CNTNAP2: variants seen among roughly 807,000 people sequenced by gnomAD.
The protein encoded by CNTNAP2 is contactin associated protein 2, also known as contactin-associated protein-like 2.
A neutral mutation model predicts 155.2 loss-of-function variants in CNTNAP2; 98 were observed. The observed-to-expected ratio is 0.63, with a 90% CI of 0.54 to 0.75. The LOEUF (loss-of-function observed/expected upper bound fraction) is 0.75, where lower values mean the gene tolerates loss of function less well. CNTNAP2 is among the 30% of genes least tolerant of loss of function. The pLI is 0.00. For missense variants in CNTNAP2, 1,727 were observed against 1,688.1 expected, an observed-to-expected ratio of 1.02 and a Z score of -0.40; for synonymous variants, 651 against 631.2, an observed-to-expected ratio of 1.03 and a Z score of -0.47.
intron 1 of CNTNAP2, among the ~76,000 whole-genome samples, chr7:146,127,078 C>G (rs1329136249): frequency 6.6e-6 from 1 of 152,186 alleles, no homozygotes; most frequent in African/African-American, 2.4e-5. Flanking sequence ...TAGTCTCCTC[C>G]TAACCCAACA....
chr7:147,512,204 T>G (rs952864075), intron 11 of CNTNAP2, among the ~76,000 whole-genome samples: 2 of 152,202 alleles, frequency 1.3e-5, no homozygotes, highest in African/African-American at 2.4e-5. Flanking sequence ...CATACGTGCA[T>G]GCACTCATGT....
intron 11 of CNTNAP2, among the ~76,000 whole-genome samples, chr7:147,489,148 G>A (rs575696186): frequency 4.1e-4 from 63 of 152,316 alleles, no homozygotes; most frequent in African/African-American, 1.4e-3. Flanking sequence ...GAATTGAAGA[G>A]TATGCCTCCT....
intron 1 of CNTNAP2, among the ~76,000 whole-genome samples, chr7:146,286,681 C>T (rs2129085839): frequency 6.6e-6 from 1 of 152,268 alleles, no homozygotes; most frequent in South Asian, 2.1e-4. Context: ...CTTGTCTGAC[C>T]TCATCCGACC....
At chr7:147,324,186 C>T (rs2692142) in intron 9 of CNTNAP2, among the ~76,000 whole-genome samples, 74,642 of 151,922 alleles carry the variant, frequency 0.49, 19,501 homozygotes, top group East Asian at 0.73. Flanking sequence ...AACTAGATCA[C>T]AAGGTTCAGG....
At chr7:147,616,356 C>A (rs1482009698) in intron 12 of CNTNAP2, among the ~76,000 whole-genome samples, 1 of 152,164 alleles carries the variant, frequency 6.6e-6, no homozygotes, top group Non-Finnish European at 1.5e-5. Context: ...TCAAGTCACA[C>A]TACTGCTTAA....
intron 5 of CNTNAP2, among the ~76,000 whole-genome samples, chr7:147,109,344 G>A (rs1800828729): frequency 6.6e-6 from 1 of 152,156 alleles, no homozygotes; most frequent in African/African-American, 2.4e-5. Flanking sequence ...TAAAGAATGA[G>A]CCCTAGGATT....
chr7:146,813,694 CGAAATGTGAG>C (rs1382009198), intron 2 of CNTNAP2, among the ~76,000 whole-genome samples: 1 of 152,010 alleles, frequency 6.6e-6, no homozygotes, highest in Non-Finnish European at 1.5e-5. Context: ...GATTGTGTTT[CGAAATGTGAG>C]GACTTGAGAT....
intron 1 of CNTNAP2, among the ~76,000 whole-genome samples, chr7:146,331,120 C>T (rs1801178602): frequency 6.6e-6 from 1 of 151,666 alleles, no homozygotes; most frequent in Admixed American, 6.6e-5. Flanking sequence ...CTGGCTAACA[C>T]GGTGAAACCC....
intron 4 of CNTNAP2, among the ~76,000 whole-genome samples, chr7:147,095,165 A>G (rs1437542991): frequency 6.7e-6 from 1 of 148,640 alleles, no homozygotes; most frequent in African/African-American, 2.5e-5. Context: ...GACTATAGGC[A>G]TGCACCACCA....
intron 14 of CNTNAP2, among the ~76,000 whole-genome samples, chr7:147,936,384 C>A (rs1444856709): frequency 1.3e-5 from 2 of 151,048 alleles, no homozygotes; most frequent in South Asian, 4.2e-4. Flanking sequence ...TAGAAGTGGT[C>A]ACTTCAGTAT....
intron 1 of CNTNAP2, among the ~76,000 whole-genome samples, chr7:146,708,563 C>A: frequency 1.2e-5 from 1 of 81,732 alleles, no homozygotes; most frequent in African/African-American, 5.4e-5. Context: ...TCTCCGGGCT[C>A]TGTTTAAGAA....
At chr7:148,228,334 T>C (rs1185569831) in intron 19 of CNTNAP2, among the ~76,000 whole-genome samples, 1 of 152,186 alleles carries the variant, frequency 6.6e-6, no homozygotes, top group Non-Finnish European at 1.5e-5. Flanking sequence ...TCAATATTGT[T>C]TTTTATTGTT....
chr7:146,708,588 ATTTTTTTTTTT>A (rs71165029), intron 1 of CNTNAP2, among the ~76,000 whole-genome samples: 1 of 63,956 alleles, frequency 1.6e-5, no homozygotes, highest in Non-Finnish European at 2.5e-5. Context: ...AAAAAAAGTG[ATTTTTTTTTTT>A]TTTTTTTTTT....
chr7:147,298,724 G>A (rs950700767), intron 8 of CNTNAP2, among the ~76,000 whole-genome samples: 1 of 152,246 alleles, frequency 6.6e-6, no homozygotes, highest in African/African-American at 2.4e-5. Context: ...TGTAGGGCAT[G>A]TGGTATGTAA....
In CNTNAP2 at chr7:146,727,708, A is replaced by G. The variant is rs150663196; in HGVS notation, c.98-46563A>G. 2.6e-5 allele frequency among the ~76,000 whole-genome samples: 4 copies of G among 152,334 alleles called. No homozygotes were observed. The East Asian group carries it at 7.7e-4, about 29-fold the overall frequency. ...ATGTAAGAACATTCTCAAATCTATA[A>G]TAGCAAGCTCTACCCAGTAATATTT... On this transcript the variant is annotated intron_variant, in intron 1 of 23. Coordinates refer to ENST00000361727, the MANE Select transcript of CNTNAP2 (RefSeq NM_014141.6).
At chr7:146,838,430 G>C (rs916596261) in intron 2 of CNTNAP2, among the ~76,000 whole-genome samples, 1 of 152,102 alleles carries the variant, frequency 6.6e-6, no homozygotes, top group Non-Finnish European at 1.5e-5. Context: ...CAATTCTCCT[G>C]CCTCAGCCTT....
intron 3 of CNTNAP2, among the ~76,000 whole-genome samples, chr7:146,967,809 C>G (rs531877585): frequency 2.0e-5 from 3 of 152,126 alleles, no homozygotes; most frequent in South Asian, 4.1e-4. Context: ...ATTTCCTTCT[C>G]CTGCCTAATT....
rs897397868 is a variant in CNTNAP2, at chr7:147,738,387, T to C, written c.2098+99081T>C. On this transcript the variant is annotated intron_variant, in intron 13 of 23. Transcript: ENST00000361727. Reference sequence around the variant, plus strand: ...AAAATATTTCATGAAAGGAAGTCAATTGATGTGGCAAACATCATTGTTGCC... The same window carrying C: ...AAAATATTTCATGAAAGGAAGTCAACTGATGTGGCAAACATCATTGTTGCC... Among the ~76,000 whole-genome samples the C allele has an allele frequency of 3.1e-5, 4 of 127,202 alleles. No homozygotes were observed. In the East Asian group the frequency reaches 7.7e-4, roughly 25 times the overall value. The allele number at this position is 127,202 out of a possible 152,430, so 83.4% of individuals were successfully genotyped here.
intron 1 of CNTNAP2, among the ~76,000 whole-genome samples, chr7:146,239,415 C>A (rs1041892106): frequency 2.0e-5 from 3 of 152,084 alleles, no homozygotes; most frequent in African/African-American, 7.2e-5. Flanking sequence ...GGAAAGAGGA[C>A]CAGCCTAATA....
Sources: gnomAD v4.1 joint callset for allele counts (sites outside exome capture counted in the v4.1 genomes callset) on GRCh38, gnomAD v4.1.1 for gene constraint, MANE v1.5 for transcripts, NCBI Gene and HGNC (gene_info 2026-07-23, HGNC 2026-07-21) for gene names.